The following MGLL variants were observed in gnomAD, a reference collection of about 807,000 sequenced individuals.
The protein encoded by MGLL is monoglyceride lipase.
A neutral mutation model predicts 29.1 loss-of-function variants in MGLL; 7 were observed. The ratio of observed to expected loss-of-function variants is 0.24; its 90% confidence interval spans 0.14 to 0.45. The LOEUF (loss-of-function observed/expected upper bound fraction) is 0.45. Ranked by LOEUF, MGLL falls within the 20% of genes least tolerant of loss-of-function variation. The pLI, the probability that MGLL is intolerant of heterozygous loss-of-function variation, is 0.99. For missense variants in MGLL, 356 were observed against 413.6 expected, an observed-to-expected ratio of 0.86 and a Z score of 1.21; for synonymous variants, 148 against 168.3, an observed-to-expected ratio of 0.88 and a Z score of 0.93.
chr3:127,822,246 T>A, intron 1 of MGLL, 63 bp downstream of exon 1: 1 of 1,551,498 alleles, frequency 6.4e-7, no homozygotes, highest in South Asian at 1.1e-5. Context: ...GTGGGCACAA[T>A]AATGAGGTGG....
intron 3 of MGLL, among the ~76,000 whole-genome samples, chr3:127,770,873 G>A (rs905993337): frequency 6.6e-6 from 1 of 151,920 alleles, no homozygotes; most frequent in African/African-American, 2.4e-5. Context: ...AAGGTCACAA[G>A]GCTGAGCACC....
chr3:127,752,327 G>A (rs2076575215), intron 3 of MGLL, among the ~76,000 whole-genome samples: 1 of 152,176 alleles, frequency 6.6e-6, no homozygotes, highest in Non-Finnish European at 1.5e-5. Flanking sequence ...TCGAACTCCT[G>A]ACCTCAAGTG....
At chr3:127,805,392 G>T (rs529479387) in intron 2 of MGLL, among the ~76,000 whole-genome samples, 1 of 152,144 alleles carries the variant, frequency 6.6e-6, no homozygotes, top group Non-Finnish European at 1.5e-5. Flanking sequence ...ACCTGAAGGG[G>T]CATCTGCAGC....
chr3:127,718,697 G>A (rs982559851), intron 5 of MGLL, among the ~76,000 whole-genome samples: 1 of 152,320 alleles, frequency 6.6e-6, no homozygotes, highest in Middle Eastern at 3.4e-3. Context: ...AGAACAAATG[G>A]AGTGAGCGTT....
chr3:127,743,732 C>T (rs572522144), intron 3 of MGLL, among the ~76,000 whole-genome samples: 11 of 152,208 alleles, frequency 7.2e-5, no homozygotes, highest in Admixed American at 2.0e-4. Context: ...CAAGGAAGAG[C>T]GTATGACCAC....
intron 3 of MGLL, among the ~76,000 whole-genome samples, chr3:127,725,759 C>A (rs543244683): frequency 6.6e-6 from 1 of 152,276 alleles, no homozygotes; most frequent in South Asian, 2.1e-4. Flanking sequence ...ATAAAAATGG[C>A]TGAATCTTTT....
chr3:127,787,586 G>A (rs959569021), intron 2 of MGLL, among the ~76,000 whole-genome samples: 18 of 152,362 alleles, frequency 1.2e-4, no homozygotes, highest in African/African-American at 4.1e-4. Context: ...GGGATACAGT[G>A]TTTGTTCCTA....
chr3:127,819,746 TC>T (rs1216536931), intron 2 of MGLL, among the ~76,000 whole-genome samples: 1 of 152,030 alleles, frequency 6.6e-6, no homozygotes, highest in African/African-American at 2.4e-5. Flanking sequence ...GTCTCCCAGA[TC>T]ATGCAAGAGG....
intron 6 of MGLL, among the ~76,000 whole-genome samples, chr3:127,705,052 C>A (rs1194572036): frequency 6.6e-6 from 1 of 152,118 alleles, no homozygotes; most frequent in African/African-American, 2.4e-5. Context: ...TAAAAAGGAA[C>A]AAGATCATGT....
At chr3:127,712,532 T>A (rs1333013851) in intron 5 of MGLL, 1 of 152,260 alleles carries the variant, frequency 6.6e-6, no homozygotes, top group Non-Finnish European at 1.5e-5. Flanking sequence ...AGTGCAAAGG[T>A]GGCAGCCCCC....
At chr3:127,737,623 A>G (rs982177104) in intron 3 of MGLL, among the ~76,000 whole-genome samples, 4 of 109,188 alleles carry the variant, frequency 3.7e-5, no homozygotes, top group African/African-American at 1.8e-4. Context: ...GAAATCATCA[A>G]CTGCTTCTTT....
chr3:127,726,577 C>T (rs989982752), intron 3 of MGLL, among the ~76,000 whole-genome samples: 3 of 152,024 alleles, frequency 2.0e-5, no homozygotes, highest in African/African-American at 7.2e-5. Context: ...TACAGGTGCC[C>T]ACCACCATGC....
intron 3 of MGLL, among the ~76,000 whole-genome samples, chr3:127,723,624 C>A (rs958726459): frequency 6.6e-6 from 1 of 152,184 alleles, no homozygotes; most frequent in Non-Finnish European, 1.5e-5. Context: ...AGCACTCCCC[C>A]TTTCCTTGCC....
chr3:127,759,161 G>A (rs1423736387), intron 3 of MGLL, among the ~76,000 whole-genome samples: 2 of 152,254 alleles, frequency 1.3e-5, no homozygotes, highest in South Asian at 4.1e-4. Context: ...CTGACCTCAA[G>A]TGATCAACCT....
intron 2 of MGLL, among the ~76,000 whole-genome samples, chr3:127,793,920 A>C (rs1392322835): frequency 1.3e-5 from 2 of 152,234 alleles, no homozygotes; most frequent in Admixed American, 1.3e-4. Flanking sequence ...TTGAAGTAAG[A>C]CTGTCTTCTA....
At chr3:127,820,557 T>C (rs988561629) in intron 2 of MGLL, among the ~76,000 whole-genome samples, 3 of 152,204 alleles carry the variant, frequency 2.0e-5, no homozygotes, top group Non-Finnish European at 4.4e-5. Flanking sequence ...AAACCACTAA[T>C]CTGTTAGAAA....
intron 2 of MGLL, among the ~76,000 whole-genome samples, chr3:127,804,821 G>A (rs1576311570): frequency 6.6e-6 from 1 of 152,266 alleles, no homozygotes; most frequent in East Asian, 1.9e-4. Flanking sequence ...GGTCCACTGG[G>A]GGTCTGCAGG....
intron 3 of MGLL, among the ~76,000 whole-genome samples, chr3:127,755,185 T>C (rs2076641174): frequency 6.6e-6 from 1 of 152,142 alleles, no homozygotes; most frequent in African/African-American, 2.4e-5. Flanking sequence ...AGATAAAACC[T>C]GGATTCAAAT....
At position 127,731,744 on chromosome 3, in the gene MGLL, C is replaced by T. The variant is rs185289126; in HGVS notation, c.263-9178G>A. Among the ~76,000 whole-genome samples, 16 of 152,352 alleles carry T rather than the reference C, an allele frequency of 1.1e-4. No individual in the cohort carries two copies. In the East Asian group the frequency reaches 1.5e-3, roughly 15 times the overall value. On this transcript the variant is annotated intron_variant, in intron 3 of 7. Transcript: ENST00000265052. ...GCCCACAGTTCCCTCTCCCTCTGGCCCCTGACCTGCCCCGTGCTCCCCTGC... is the reference window on the plus strand; with the variant it reads ...GCCCACAGTTCCCTCTCCCTCTGGCTCCTGACCTGCCCCGTGCTCCCCTGC...
Sources: gnomAD v4.1 joint callset for allele counts (sites outside exome capture counted in the v4.1 genomes callset) on GRCh38, gnomAD v4.1.1 for gene constraint, MANE v1.5 for transcripts, NCBI Gene and HGNC (gene_info 2026-07-23, HGNC 2026-07-21) for gene names.